BBS9: variants seen among roughly 807,000 people sequenced by gnomAD.
The protein encoded by BBS9 is Bardet-Biedl syndrome 9, also known as protein PTHB1.
Under a neutral mutation model 117.7 loss-of-function variants are expected in BBS9, and 89 were observed. That is an observed-to-expected ratio of 0.76 (90% CI 0.64 to 0.90). The LOEUF (loss-of-function observed/expected upper bound fraction) is 0.90, where lower values mean the gene tolerates loss of function less well. Among genes scored for constraint, BBS9 ranks in the 40% least tolerant of loss-of-function variants. BBS9 has a pLI of 0.00. For synonymous variants in BBS9, 379 were observed against 370.9 expected (o/e 1.02, Z -0.25); for missense variants, 982 against 1,042.2 (o/e 0.94, Z 0.80).
chr7:33,389,081 A>T (rs1213937642), intron 19 of BBS9, among the ~76,000 whole-genome samples: 1 of 152,234 alleles, frequency 6.6e-6, no homozygotes, highest in Non-Finnish European at 1.5e-5. Context: ...TATCATAAGC[A>T]GTATATTGAT....
rs552141041 is a variant in BBS9 at position 33,144,692 on chromosome 7, C to G, written c.-11-1550C>G. Reference sequence around the variant, plus strand: ...AAGTGCTGTCTAATGTTCCTAAAAGCAAGAAGGCTGTGATGTATCTTGTGG... The same window carrying G: ...AAGTGCTGTCTAATGTTCCTAAAAGGAAGAAGGCTGTGATGTATCTTGTGG... On this transcript the variant is annotated intron_variant, in intron 1 of 22. Transcript: ENST00000242067. Among the ~76,000 whole-genome samples, 12 of 152,276 alleles carry G rather than the reference C, an allele frequency of 7.9e-5. No individual in the cohort carries two copies. The South Asian group carries it at 1.0e-3, about 13-fold the overall frequency.
rs1489268490 is a variant in BBS9 at position 33,505,587 on chromosome 7, A to T, written c.2240A>T (p.Asp747Val). ...GCGCTGTGGCAGAAGCTTAGTGCTG[A>T]CCAGGTTGCTATTCTGGAAGCGGCA... ...LIALWQKLSADQVAILEAAFL... is the reference protein window; with the variant it reads ...LIALWQKLSAVQVAILEAAFL... The change falls in exon 20 of 23, where the codon GAC (aspartate) becomes GTC (valine). Residue 747 changes from aspartate (D) to valine (V), a missense_variant. Coordinates refer to ENST00000242067, the MANE Select transcript of BBS9 (RefSeq NM_198428.3). 6.2e-6 allele frequency: 10 copies of T among 1,614,076 alleles called. No homozygotes were observed. Among genetic ancestry groups the T allele is most frequent in the Non-Finnish European group, 8.5e-6 (10 of 1,179,974 alleles).
At chr7:33,438,557 G>C (rs1035698440) in intron 19 of BBS9, among the ~76,000 whole-genome samples, 55 of 152,134 alleles carry the variant, frequency 3.6e-4, no homozygotes, top group African/African-American at 1.3e-3. Flanking sequence ...CTTAACCTTG[G>C]TAGTAATCAG....
chr7:33,203,845 C>A (rs949044090), intron 5 of BBS9, among the ~76,000 whole-genome samples: 6 of 151,742 alleles, frequency 4.0e-5, no homozygotes, highest in African/African-American at 1.5e-4. Flanking sequence ...GCCTCAGCCT[C>A]CCGAATAGCT....
At chr7:33,361,702 A>C (rs6960917) in intron 16 of BBS9, among the ~76,000 whole-genome samples, 4,217 of 151,672 alleles carry the variant, frequency 0.028, 193 homozygotes, top group African/African-American at 0.093. Flanking sequence ...CCTTCTTTTA[A>C]GGTTTATATT....
At chr7:33,154,978 T>C (rs534983575) in intron 3 of BBS9, among the ~76,000 whole-genome samples, 19 of 152,338 alleles carry the variant, frequency 1.2e-4, no homozygotes, top group African/African-American at 4.6e-4. Context: ...TAACAACCCC[T>C]GGCTTGATCC....
rs574520900 is a variant in BBS9, at chr7:33,575,757, C to A, written c.2522-29108C>A. 6.6e-5 allele frequency among the ~76,000 whole-genome samples: 10 copies of A among 152,248 alleles called. No homozygotes were observed. In the South Asian group the frequency reaches 1.9e-3, roughly 28 times the overall value. On this transcript the variant is annotated intron_variant, in intron 21 of 22. Coordinates refer to ENST00000242067, the MANE Select transcript of BBS9 (RefSeq NM_198428.3). ...GGTTGCAAGGCTGGTTCAACATACACAAATCAATAAACATAATCCATCACC... is the reference window on the plus strand; with the variant it reads ...GGTTGCAAGGCTGGTTCAACATACAAAAATCAATAAACATAATCCATCACC...
chr7:33,252,170 A>T (rs971799947), intron 5 of BBS9, among the ~76,000 whole-genome samples: 3 of 152,160 alleles, frequency 2.0e-5, no homozygotes, highest in African/African-American at 7.2e-5. Flanking sequence ...TGTCGTGATA[A>T]ATCACTCACT....
intron 15 of BBS9, 165 bp from the exon 16 acceptor site, chr7:33,357,690 T>C: frequency 1.3e-6 from 1 of 755,112 alleles, no homozygotes; most frequent in East Asian, 2.7e-5. Flanking sequence ...AGTAATGAAA[T>C]ATGAATCATG....
chr7:33,247,657 A>G (rs190404296), intron 5 of BBS9, among the ~76,000 whole-genome samples: 72 of 152,284 alleles, frequency 4.7e-4, no homozygotes, highest in Non-Finnish European at 9.0e-4. Context: ...GTACTATTTA[A>G]TTAACTCCCA....
chr7:33,515,880 T>C (rs1847681546), intron 20 of BBS9, among the ~76,000 whole-genome samples: 1 of 152,262 alleles, frequency 6.6e-6, no homozygotes, highest in African/African-American at 2.4e-5. Context: ...AATGTTTGCC[T>C]CACTCAGTTC....
chr7:33,263,733 A>G (rs1032326859), intron 6 of BBS9, among the ~76,000 whole-genome samples: 1 of 152,118 alleles, frequency 6.6e-6, no homozygotes, highest in African/African-American at 2.4e-5. Context: ...ACCAAATAGT[A>G]GGCACTTTAT....
At chr7:33,505,817 T>C in intron 20 of BBS9, 172 bp downstream of exon 20, 1 of 697,334 alleles carries the variant, frequency 1.4e-6, no homozygotes, top group Non-Finnish European at 2.4e-6. Context: ...AACAAAGGCC[T>C]TTTTCTGTAG....
At chr7:33,597,067 T>C (rs989773378) in intron 21 of BBS9, among the ~76,000 whole-genome samples, 9 of 119,496 alleles carry the variant, frequency 7.5e-5, no homozygotes, top group Non-Finnish European at 1.2e-4. Flanking sequence ...TCTCTCTCTC[T>C]GTCACACACA....
Position 33,336,607 on chromosome 7 carries a change from G to A in BBS9, c.1183G>A (p.Val395Ile), listed in dbSNP as rs1300725879. 6.2e-6 allele frequency: 10 copies of A among 1,608,398 alleles called. No individual in the cohort carries two copies. Among genetic ancestry groups the A allele is most frequent in the Non-Finnish European group, 8.5e-6 (10 of 1,176,142 alleles). Residue 395 changes from valine (V) to isoleucine (I), a missense_variant, in exon 10 of 23, where the codon GTT becomes ATT. Val to Ile is a conservative substitution (Grantham distance 29). Coordinates refer to ENST00000242067, the MANE Select transcript of BBS9 (RefSeq NM_198428.3). ...MKELQKIIKD[V>I]NKSQGVWPMT... The stretch of plus-strand genomic sequence containing the variant: ...AGAACTTCAGAAAATCATCAAAGAT[G>A]TTAACAAATCACAAGGTATCTCATT...
intron 21 of BBS9, among the ~76,000 whole-genome samples, chr7:33,599,711 GAGTT>G (rs1438027874): frequency 7.7e-4 from 117 of 152,132 alleles, no homozygotes; most frequent in East Asian, 3.9e-4. Context: ...ATAATTTCAC[GAGTT>G]AGTTTTCCAG....
chr7:33,434,830 A>C (rs1258680053), intron 19 of BBS9, among the ~76,000 whole-genome samples: 1 of 152,176 alleles, frequency 6.6e-6, no homozygotes, highest in Non-Finnish European at 1.5e-5. Context: ...TAAAATGTAC[A>C]ATGATGGTCA....
intron 5 of BBS9, among the ~76,000 whole-genome samples, chr7:33,244,066 T>TA (rs550047798): frequency 3.2e-4 from 49 of 152,006 alleles, no homozygotes; most frequent in Admixed American, 1.2e-3. Flanking sequence ...CTGTCTCTAA[T>TA]AAAAAATACA....
intron 21 of BBS9, among the ~76,000 whole-genome samples, chr7:33,586,932 AC>A (rs1264524604): frequency 3.9e-5 from 6 of 152,012 alleles, no homozygotes; most frequent in Non-Finnish European, 7.4e-5. Context: ...AATAAAAGCT[AC>A]CTGTTGGGTA....
Sources: allele counts gnomAD v4.1 joint callset (sites outside exome capture counted in the v4.1 genomes callset), GRCh38; gene constraint gnomAD v4.1.1; transcripts MANE v1.5; gene names NCBI Gene and HGNC (gene_info 2026-07-23, HGNC 2026-07-21).